The following SCNN1B variants were observed in gnomAD, a reference collection of about 807,000 sequenced individuals.
SCNN1B encodes sodium channel epithelial 1 subunit beta.
A neutral mutation model predicts 65.3 loss-of-function variants in SCNN1B; 46 were observed. The observed-to-expected ratio is 0.70, with a 90% CI of 0.56 to 0.90. The LOEUF (loss-of-function observed/expected upper bound fraction) is 0.90, where lower values mean the gene tolerates loss of function less well. Ranked by LOEUF, SCNN1B falls within the 40% of genes least tolerant of loss-of-function variation. The probability of loss-of-function intolerance (pLI) is 0.00; values close to 1 mark genes in which losing one functional copy is unlikely to be tolerated. For missense variants in SCNN1B, 751 were observed against 830.5 expected, an observed-to-expected ratio of 0.90 and a Z score of 1.18; for synonymous variants, 349 against 330.6, an observed-to-expected ratio of 1.06 and a Z score of -0.60.
intron 1 of SCNN1B, among the ~76,000 whole-genome samples, chr16:23,320,781 G>A (rs920888329): frequency 6.6e-6 from 1 of 152,300 alleles, no homozygotes; most frequent in African/African-American, 2.4e-5. Flanking sequence ...TCAGCTTCAG[G>A]CCTGGAGCCC....
chr16:23,356,351 G>A (rs560085455), intron 4 of SCNN1B, among the ~76,000 whole-genome samples: 42 of 152,204 alleles, frequency 2.8e-4, no homozygotes, highest in African/African-American at 9.4e-4. Context: ...GAGGCTGGGC[G>A]TGGTGGCTCA....
chr16:23,366,134 C>T (rs762941585), intron 4 of SCNN1B, among the ~76,000 whole-genome samples: 7 of 152,178 alleles, frequency 4.6e-5, no homozygotes, highest in Non-Finnish European at 8.8e-5. Context: ...TGGCAGGTGA[C>T]GTTTTATGTG....
chr16:23,349,348 G>A (rs149043633), intron 2 of SCNN1B, among the ~76,000 whole-genome samples: 212 of 152,202 alleles, frequency 1.4e-3, no homozygotes, highest in African/African-American at 4.9e-3. Context: ...TTAGCCAGAC[G>A]TGGTGGCACA....
At chr16:23,362,097 C>T (rs199615921) in intron 4 of SCNN1B, among the ~76,000 whole-genome samples, 56 of 151,900 alleles carry the variant, frequency 3.7e-4, no homozygotes, top group Non-Finnish European at 6.8e-4. Context: ...GTAATCCCAG[C>T]ACTTTGGGAG....
At chr16:23,354,729 T>A (rs1409726984) in intron 3 of SCNN1B, among the ~76,000 whole-genome samples, 1 of 152,210 alleles carries the variant, frequency 6.6e-6, no homozygotes, top group Non-Finnish European at 1.5e-5. Flanking sequence ...CGTGTGTGTG[T>A]GAGCATAAGT....
chr16:23,310,878 A>C (rs2141985085), intron 1 of SCNN1B, among the ~76,000 whole-genome samples: 1 of 152,348 alleles, frequency 6.6e-6, no homozygotes, highest in African/African-American at 2.4e-5. Flanking sequence ...AGTAACACTC[A>C]GTGTTGGTGA....
intron 4 of SCNN1B, among the ~76,000 whole-genome samples, chr16:23,355,727 G>T (rs773111440): frequency 6.6e-6 from 1 of 152,178 alleles, no homozygotes; most frequent in Non-Finnish European, 1.5e-5. Context: ...GGAAAAGTCT[G>T]CAGGGAAAGT....
chr16:23,343,384 G>A (rs1438521115), intron 1 of SCNN1B, among the ~76,000 whole-genome samples: 1 of 151,498 alleles, frequency 6.6e-6, no homozygotes. Context: ...CCTGGGAGGT[G>A]GAGGTTGCAG....
At chr16:23,290,978 T>G (rs1298026058) in intron 2 of SCNN1B, among the ~76,000 whole-genome samples, 1 of 152,180 alleles carries the variant, frequency 6.6e-6, no homozygotes, top group African/African-American at 2.4e-5. Context: ...GGTTTTTAAT[T>G]TTTTAATTAC....
chr16:23,336,085 C>A (rs79553428), intron 1 of SCNN1B, among the ~76,000 whole-genome samples: 4 of 152,274 alleles, frequency 2.6e-5, no homozygotes, highest in Non-Finnish European at 5.9e-5. Context: ...GGTGCCCCGT[C>A]TGAGCTAGTA....
rs1329566632 is a variant in SCNN1B, at chr16:23,353,045, G to C, written c.556G>C (p.Ala186Pro). 4 of 1,614,056 alleles carry C rather than the reference G, an allele frequency of 2.5e-6. No individual in the cohort carries two copies. In the African/African-American group the frequency reaches 4.0e-5, roughly 16 times the overall value. ...SSSASEKICN[A>P]HGCKMAMRLC... ...CTCAGCATCAGAAAAGATCTGTAATGCCCACGGGTGCAAAATGGCCATGAG... is the reference window on the plus strand; with the variant it reads ...CTCAGCATCAGAAAAGATCTGTAATCCCCACGGGTGCAAAATGGCCATGAG... Residue 186 changes from alanine (A) to proline (P), a missense_variant, in exon 3 of 13, where the codon GCC (alanine) becomes CCC (proline). Coordinates refer to ENST00000343070, the MANE Select transcript of SCNN1B (RefSeq NM_000336.3).
chr16:23,308,481 C>T (rs1460210079), intron 1 of SCNN1B, among the ~76,000 whole-genome samples: 1 of 152,142 alleles, frequency 6.6e-6, no homozygotes, highest in Non-Finnish European at 1.5e-5. Context: ...CATGATCATG[C>T]CATTGTACTC....
At chr16:23,298,009 C>T (rs1017889633), upstream of SCNN1B, among the ~76,000 whole-genome samples, 17 of 152,194 alleles carry the variant, frequency 1.1e-4, no homozygotes, top group African/African-American at 4.1e-4. Flanking sequence ...CAACATCTAA[C>T]ATCTCATGGA....
At chr16:23,303,690 C>T (rs9932140) in intron 1 of SCNN1B, among the ~76,000 whole-genome samples, 9,903 of 150,554 alleles carry the variant, frequency 0.066, 1,105 homozygotes, top group African/African-American at 0.23. Context: ...CTGAGGAGGG[C>T]GGATCACTTG....
chr16:23,374,690 A>T (rs1962856340), intron 7 of SCNN1B, among the ~76,000 whole-genome samples: 1 of 151,282 alleles, frequency 6.6e-6, no homozygotes, highest in African/African-American at 2.4e-5. Flanking sequence ...GCCCTCAGAG[A>T]GCCACAGACT....
intron 1 of SCNN1B, among the ~76,000 whole-genome samples, chr16:23,330,966 AC>A (rs767367437): frequency 6.6e-6 from 1 of 152,086 alleles, no homozygotes; most frequent in Non-Finnish European, 1.5e-5. Flanking sequence ...TTTTCCAAGG[AC>A]CCTGGCACAT....
intron 2 of SCNN1B, among the ~76,000 whole-genome samples, chr16:23,295,924 C>A (rs1012443395): frequency 2.0e-5 from 3 of 152,092 alleles, no homozygotes; most frequent in African/African-American, 7.2e-5. Context: ...TTAGTCTGAG[C>A]GAGCGGGAAG....
chr16:23,281,369 G>T (rs933653254), intron 1 of SCNN1B, among the ~76,000 whole-genome samples: 4 of 152,210 alleles, frequency 2.6e-5, no homozygotes, highest in East Asian at 1.9e-4. Flanking sequence ...GGAGTGGGAG[G>T]TTGCAGTGAG....
chr16:23,372,683 C>CG, intron 7 of SCNN1B, among the ~76,000 whole-genome samples: 1 of 151,574 alleles, frequency 6.6e-6, no homozygotes, highest in South Asian at 2.1e-4. Context: ...TTAGTAGAGA[C>CG]GGGGTTTCAC....
Sources: gnomAD v4.1 joint callset for allele counts (sites outside exome capture counted in the v4.1 genomes callset) on GRCh38, gnomAD v4.1.1 for gene constraint, MANE v1.5 for transcripts, NCBI Gene and HGNC (gene_info 2026-07-23, HGNC 2026-07-21) for gene names.